The following ASB3 variants were observed in gnomAD, a reference collection of about 807,000 sequenced individuals.
ASB3 encodes ankyrin repeat and SOCS box containing 3.
ASB3 carries 41 observed loss-of-function variants against 54.5 expected under a neutral mutation model. The ratio of observed to expected loss-of-function variants is 0.75; its 90% CI spans 0.59 to 0.98. The LOEUF (loss-of-function observed/expected upper bound fraction) is 0.98, where lower values mean the gene tolerates loss of function less well. Among genes scored for constraint, ASB3 ranks in the 50% least tolerant of loss-of-function variants. The probability of loss-of-function intolerance (pLI) is 0.00; values close to 1 mark genes in which losing one functional copy is unlikely to be tolerated. For synonymous variants in ASB3, 266 were observed against 221.2 expected (o/e 1.20, Z -1.80); for missense variants, 733 against 620.0 (o/e 1.18, Z -1.94).
intron 1 of ASB3, among the ~76,000 whole-genome samples, chr2:53,775,761 C>A (rs1162897005): frequency 6.6e-6 from 1 of 152,238 alleles, no homozygotes; most frequent in East Asian, 1.9e-4. Context: ...CAGGTGTGAG[C>A]CACCATGCCC....
intron 5 of ASB3, among the ~76,000 whole-genome samples, chr2:53,727,981 C>T (rs922107289): frequency 6.6e-6 from 1 of 152,014 alleles, no homozygotes; most frequent in African/African-American, 2.4e-5. Flanking sequence ...CCACCTTGGC[C>T]TCCCAAAGTG....
chr2:53,769,756 G>A (rs1213409461), intron 1 of ASB3, among the ~76,000 whole-genome samples: 1 of 152,218 alleles, frequency 6.6e-6, no homozygotes, highest in African/African-American at 2.4e-5. Flanking sequence ...GCTGAGGCAG[G>A]AGAATCGCTT....
chr2:53,685,814 G>C (rs112666291), intron 9 of ASB3, among the ~76,000 whole-genome samples: 1 of 152,294 alleles, frequency 6.6e-6, no homozygotes, highest in Non-Finnish European at 1.5e-5. Flanking sequence ...CATTTAACCT[G>C]GAGAAAGGGC....
At chr2:53,729,179 T>C (rs796198648) in intron 4 of ASB3, among the ~76,000 whole-genome samples, 34 of 152,284 alleles carry the variant, frequency 2.2e-4, no homozygotes, top group African/African-American at 7.5e-4. Context: ...AAATAACCCA[T>C]TGCTCTTTAT....
intron 6 of ASB3, among the ~76,000 whole-genome samples, chr2:53,715,980 T>G (rs1477610952): frequency 5.3e-5 from 8 of 152,294 alleles, no homozygotes; most frequent in Non-Finnish European, 1.5e-5. Flanking sequence ...GTAGCCATAT[T>G]CTCACATATA....
chr2:53,777,368 A>G (rs748191184), intron 1 of ASB3, among the ~76,000 whole-genome samples: 1 of 152,232 alleles, frequency 6.6e-6, no homozygotes, highest in South Asian at 2.1e-4. Context: ...TGCATCAGAC[A>G]CTAGTGATCA....
At chr2:53,719,902 C>A (rs1247018268) in intron 5 of ASB3, among the ~76,000 whole-genome samples, 1 of 152,122 alleles carries the variant, frequency 6.6e-6, no homozygotes, top group African/African-American at 2.4e-5. Flanking sequence ...AATCTTGGGA[C>A]CCCCACAATC....
intron 7 of ASB3, among the ~76,000 whole-genome samples, chr2:53,704,839 G>C (rs1189857310): frequency 6.6e-6 from 1 of 152,142 alleles, no homozygotes; most frequent in Non-Finnish European, 1.5e-5. Context: ...ATGATTCCCT[G>C]TGCTTCATGT....
At chr2:53,692,651 A>T (rs1213568860) in intron 9 of ASB3, among the ~76,000 whole-genome samples, 1 of 152,188 alleles carries the variant, frequency 6.6e-6, no homozygotes, top group Non-Finnish European at 1.5e-5. Flanking sequence ...TTAAGGTCTT[A>T]AGGGTAAACT....
intron 2 of ASB3, among the ~76,000 whole-genome samples, chr2:53,758,221 A>G (rs981036420): frequency 7.9e-5 from 12 of 152,252 alleles, no homozygotes; most frequent in African/African-American, 2.7e-4. Context: ...GACCACTGAC[A>G]ACACATAGCC....
intron 9 of ASB3, among the ~76,000 whole-genome samples, chr2:53,690,812 G>A (rs1302756893): frequency 5.3e-5 from 8 of 151,980 alleles, no homozygotes; most frequent in Non-Finnish European, 4.4e-5. Context: ...ACAAAGCAGG[G>A]AAACACAGAA....
intron 9 of ASB3, among the ~76,000 whole-genome samples, chr2:53,681,170 G>C (rs1668350351): frequency 6.6e-6 from 1 of 152,154 alleles, no homozygotes; most frequent in African/African-American, 2.4e-5. Flanking sequence ...TAGCTACTGT[G>C]AATAGTGCTG....
chr2:53,673,016 C>T (rs1177817558), intron 9 of ASB3, among the ~76,000 whole-genome samples: 2 of 152,134 alleles, frequency 1.3e-5, no homozygotes, highest in African/African-American at 4.8e-5. Flanking sequence ...CAGAAATAAG[C>T]ATAACTGCTG....
At chr2:53,781,396 A>G (rs1419518166) in intron 1 of ASB3, among the ~76,000 whole-genome samples, 2 of 150,990 alleles carry the variant, frequency 1.3e-5, no homozygotes, top group African/African-American at 4.9e-5. Context: ...TAGGCAACAA[A>G]GTGAGACTCT....
intron 9 of ASB3, among the ~76,000 whole-genome samples, chr2:53,671,707 C>A (rs954518655): frequency 2.6e-5 from 3 of 113,334 alleles, no homozygotes; most frequent in Admixed American, 1.5e-4. Flanking sequence ...TGCAGTGAGC[C>A]GAGATCATGC....
intron 3 of ASB3, among the ~76,000 whole-genome samples, chr2:53,744,318 A>G (rs1244774079): frequency 6.7e-6 from 1 of 150,252 alleles, no homozygotes; most frequent in African/African-American, 2.5e-5. Flanking sequence ...CGGGACGCAG[A>G]GCTTGCAGTG....
chr2:53,724,267 CTTAAACAA>C (rs1670868828), intron 5 of ASB3, among the ~76,000 whole-genome samples: 1 of 152,034 alleles, frequency 6.6e-6, no homozygotes, highest in Non-Finnish European at 1.5e-5. Flanking sequence ...CTATAAGGAA[CTTAAACAA>C]TTCAACAAGC....
chr2:53,731,235 A>C (rs1259077170), intron 3 of ASB3, among the ~76,000 whole-genome samples: 1 of 152,110 alleles, frequency 6.6e-6, no homozygotes, highest in Non-Finnish European at 1.5e-5. Flanking sequence ...CCCCGTCTCT[A>C]CTAAAAATAC....
At chr2:53,684,250 T>G (rs1377550320) in intron 9 of ASB3, among the ~76,000 whole-genome samples, 1 of 152,222 alleles carries the variant, frequency 6.6e-6, no homozygotes, top group Non-Finnish European at 1.5e-5. Flanking sequence ...GGTCCACATT[T>G]GGCACTAACT....
Sources: allele counts gnomAD v4.1 joint callset (sites outside exome capture counted in the v4.1 genomes callset), GRCh38; gene constraint gnomAD v4.1.1; transcripts MANE v1.5; gene names NCBI Gene and HGNC (gene_info 2026-07-23, HGNC 2026-07-21).